Variants in MGST1 observed in about 807,000 individuals in gnomAD.
MGST1 encodes glutathione S-transferase 12.
MGST1 carries 5 observed loss-of-function variants against 8.9 expected under a neutral mutation model. That is an observed-to-expected ratio of 0.56 (90% CI 0.29 to 1.19). The LOEUF (loss-of-function observed/expected upper bound fraction) is 1.19. Ranked by LOEUF, MGST1 falls within the 50% of genes most tolerant of loss-of-function variation. MGST1 has a pLI of 0.08. For missense variants in MGST1, 182 were observed against 187.4 expected (o/e 0.97, Z 0.17); for synonymous variants, 54 against 67.8 (o/e 0.80, Z 1.00).
At chr12:16,367,280 A>T (rs999919453), downstream of MGST1, 4 of 152,142 alleles carry the variant, frequency 2.6e-5, 1 homozygote, top group Admixed American at 2.6e-4. Context: ...AATTAATGTC[A>T]AATAGACGAG....
At chr12:16,488,200 A>G (rs911166225) in intron 4 of MGST1, among the ~76,000 whole-genome samples, 1 of 152,232 alleles carries the variant, frequency 6.6e-6, no homozygotes, top group African/African-American at 2.4e-5. Flanking sequence ...TGAACAATTT[A>G]ATTTCTAACC....
chr12:16,428,654 C>A (rs1192788035), intron 1 of MGST1, among the ~76,000 whole-genome samples: 2 of 151,770 alleles, frequency 1.3e-5, no homozygotes, highest in Non-Finnish European at 2.9e-5. Flanking sequence ...TATGTCCCAC[C>A]AAGTGCATTA....
At chr12:16,551,244 CCTT>C in intron 4 of MGST1, 4 of 1,611,182 alleles carry the variant, frequency 2.5e-6, no homozygotes, top group Non-Finnish European at 3.4e-6. Flanking sequence ...GGGTGCATAA[CCTT>C]CTTTCATTAA....
chr12:16,399,566 A>T, intron 1 of MGST1: 8 of 1,594,560 alleles, frequency 5.0e-6, no homozygotes, highest in Non-Finnish European at 6.9e-6. Context: ...CTTCCTCTTC[A>T]TAGTCATCTT....
At chr12:16,552,051 A>G (rs557571076) in intron 4 of MGST1, among the ~76,000 whole-genome samples, 39 of 152,074 alleles carry the variant, frequency 2.6e-4, no homozygotes, top group Non-Finnish European at 5.3e-4. Flanking sequence ...AGTTTCCAAT[A>G]GCTAATTATG....
intron 4 of MGST1, among the ~76,000 whole-genome samples, chr12:16,536,127 G>T (rs1334538513): frequency 6.8e-6 from 1 of 148,026 alleles, no homozygotes; most frequent in Non-Finnish European, 1.5e-5. Flanking sequence ...GTCAGGTGAG[G>T]AGGAGTAGGG....
chr12:16,400,015 C>T (rs1273166445), intron 1 of MGST1: 1 of 1,548,790 alleles, frequency 6.5e-7, no homozygotes, highest in Non-Finnish European at 8.9e-7. Flanking sequence ...TCTGTTAAAT[C>T]CCAAGTCCCT....
chr12:16,381,788 T>C (rs1940455965), downstream of MGST1, among the ~76,000 whole-genome samples: 1 of 152,216 alleles, frequency 6.6e-6, no homozygotes, highest in Non-Finnish European at 1.5e-5. Context: ...CAGATGTAGA[T>C]TTGGTCTTTT....
intron 2 of MGST1, among the ~76,000 whole-genome samples, chr12:16,355,866 A>C (rs1439467426): frequency 6.6e-6 from 1 of 152,174 alleles, no homozygotes; most frequent in Non-Finnish European, 1.5e-5. Context: ...AAAATGCCAT[A>C]GACTGGGTGG....
intron 4 of MGST1, among the ~76,000 whole-genome samples, chr12:16,446,036 G>A (rs1360056663): frequency 6.6e-6 from 1 of 151,826 alleles, no homozygotes; most frequent in Non-Finnish European, 1.5e-5. Flanking sequence ...TTGGGATTTG[G>A]GAAAATCACC....
downstream of MGST1, among the ~76,000 whole-genome samples, chr12:16,379,255 G>A (rs925916916): frequency 3.3e-5 from 5 of 152,098 alleles, no homozygotes; most frequent in Admixed American, 1.3e-4. Flanking sequence ...TCCAGTTTTT[G>A]TCCATTCAGT....
chr12:16,476,821 T>A (rs1941326752), intron 4 of MGST1, among the ~76,000 whole-genome samples: 2 of 151,580 alleles, frequency 1.3e-5, no homozygotes, highest in Admixed American at 1.3e-4. Flanking sequence ...CTGACAGGGG[T>A]CGAGGTAATC....
chr12:16,415,620 T>A (rs565093901), intron 1 of MGST1, among the ~76,000 whole-genome samples: 46 of 152,366 alleles, frequency 3.0e-4, no homozygotes, highest in Middle Eastern at 3.4e-3. Context: ...TCTAGCTTAA[T>A]TCATCTTAAG....
rs11056945 is a variant in MGST1 at position 16,447,012 on chromosome 12, A to G, written n.482+63408A>G. On this transcript the variant is annotated intron_variant and non_coding_transcript_variant, in intron 4 of 4. Transcript: ENST00000538857. ...TCTTTGCAGCATGCCTATTTCCCTA[A>G]GCCTCTCTATTCCTTTCTCCACAGT... Among the ~76,000 whole-genome samples, 1,392 of 151,948 alleles carry G rather than the reference A, an allele frequency of 9.2e-3. 81 individuals carry two copies. The East Asian group carries it at 0.17, about 19-fold the overall frequency.
Position 16,447,176 on chromosome 12 carries a change from C to T in MGST1, n.482+63572C>T, listed in dbSNP as rs190176823. 9.8e-4 allele frequency among the ~76,000 whole-genome samples: 149 copies of T among 152,012 alleles called. 1 individual carries two copies. Among genetic ancestry groups the T allele is most frequent in the Non-Finnish European group, 1.2e-3 (82 of 67,900 alleles). On this transcript the variant is annotated intron_variant and non_coding_transcript_variant, in intron 4 of 4. Coordinates refer to the MGST1 transcript ENST00000538857. The stretch of plus-strand genomic sequence containing the variant: ...AGTGTTAAATCCCATGGCCTTATAT[C>T]CTGAGAGGATGGCTCTAAATCAATA...
intron 4 of MGST1, among the ~76,000 whole-genome samples, chr12:16,577,086 CTAA>C (rs1037921154): frequency 1.3e-5 from 2 of 152,136 alleles, no homozygotes; most frequent in African/African-American, 4.8e-5. Context: ...CATCAGAATT[CTAA>C]TATTAGCAGA....
chr12:16,451,358 T>C (rs1333263611), intron 4 of MGST1, among the ~76,000 whole-genome samples: 1 of 151,864 alleles, frequency 6.6e-6, no homozygotes, highest in Non-Finnish European at 1.5e-5. Flanking sequence ...ATTTTTACTA[T>C]CCTTTAAACT....
chr12:16,551,407 A>C (rs1190734429), intron 4 of MGST1: 1 of 855,090 alleles, frequency 1.2e-6, no homozygotes, highest in Non-Finnish European at 1.9e-6. Flanking sequence ...TTTTCCTATT[A>C]ATAGTTTCGC....
At chr12:16,550,065 T>G (rs1941930567) in intron 4 of MGST1, 1 of 152,024 alleles carries the variant, frequency 6.6e-6, no homozygotes, top group Non-Finnish European at 1.5e-5. Context: ...TCTCAGCATT[T>G]TATCAATCCC....
Sources: allele counts gnomAD v4.1 joint callset (sites outside exome capture counted in the v4.1 genomes callset), GRCh38; gene constraint gnomAD v4.1.1; transcripts MANE v1.5; gene names NCBI Gene and HGNC (gene_info 2026-07-23, HGNC 2026-07-21).